The following PATJ variants were observed in gnomAD, a reference collection of about 807,000 sequenced individuals.
PATJ encodes PATJ crumbs cell polarity complex component, also known as inaD-like protein.
In PATJ, 190 loss-of-function variants were observed where a neutral mutation model predicts 224.9. That is an observed-to-expected ratio of 0.84 (90% confidence interval 0.75 to 0.95). PATJ has a LOEUF of 0.95. PATJ is among the 40% of genes least tolerant of loss of function. PATJ has a pLI of 0.00. For missense variants in PATJ, 2,121 were observed against 2,270.3 expected (o/e 0.93, Z 1.34); for synonymous variants, 769 against 820.3 (o/e 0.94, Z 1.07).
chr1:61,962,549 G>A (rs895820559), intron 27 of PATJ, among the ~76,000 whole-genome samples: 2 of 152,174 alleles, frequency 1.3e-5, no homozygotes, highest in Non-Finnish European at 2.9e-5. Context: ...GTGGTGTGAT[G>A]ATGGAGGGTT....
intron 14 of PATJ, among the ~76,000 whole-genome samples, chr1:61,811,775 AT>A (rs1654803657): frequency 1.3e-5 from 2 of 150,534 alleles, no homozygotes; most frequent in South Asian, 4.3e-4. Flanking sequence ...AAAAAAAAAA[AT>A]CTAGGCTGGA....
chr1:61,930,333 C>G (rs534275375), intron 27 of PATJ, among the ~76,000 whole-genome samples: 4 of 152,302 alleles, frequency 2.6e-5, no homozygotes, highest in African/African-American at 9.6e-5. Flanking sequence ...ATGGGTTTTT[C>G]TTTGTTCCTT....
intron 27 of PATJ, among the ~76,000 whole-genome samples, chr1:61,966,070 T>G (rs1050997473): frequency 1.3e-5 from 2 of 152,078 alleles, no homozygotes; most frequent in Non-Finnish European, 2.9e-5. Context: ...CCCGGCTAAT[T>G]TTTGTATTTT....
At chr1:62,140,442 C>T (rs1230236311) in intron 41 of PATJ, among the ~76,000 whole-genome samples, 5 of 152,098 alleles carry the variant, frequency 3.3e-5, no homozygotes, top group Non-Finnish European at 7.4e-5. Context: ...TACTTGAGGT[C>T]AGGAGTTTGA....
intron 28 of PATJ, among the ~76,000 whole-genome samples, chr1:61,990,808 T>G (rs912492145): frequency 1.3e-5 from 2 of 152,112 alleles, no homozygotes; most frequent in Non-Finnish European, 2.9e-5. Flanking sequence ...TCAAAAATAA[T>G]AGTTAATGTC....
rs759207432 is a variant in PATJ, at chr1:62,160,938, C to G, written c.5533C>G (p.Arg1845Gly). ...GAAADDGRLK[R>G]GDQILAVNGE... ...AGCTGCAGATGACGGCCGATTAAAACGAGGGGATCAGATTTTAGCTGTTAA... is the reference window on the plus strand; with the variant it reads ...AGCTGCAGATGACGGCCGATTAAAAGGAGGGGATCAGATTTTAGCTGTTAA... The change falls in exon 44 of 44, where the codon CGA (arginine) becomes GGA (glycine). Residue 1845 changes from arginine to glycine, a missense_variant. Coordinates refer to ENST00000642238, the MANE Select transcript of PATJ (RefSeq NM_001350145.3). 6.2e-7 allele frequency: 1 copy of G among 1,613,920 alleles called. No homozygotes were observed. Among genetic ancestry groups the G allele is most frequent in the Non-Finnish European group, 8.5e-7 (1 of 1,179,974 alleles).
At chr1:62,140,878 C>T (rs966868934) in intron 41 of PATJ, among the ~76,000 whole-genome samples, 3 of 151,780 alleles carry the variant, frequency 2.0e-5, no homozygotes, top group Non-Finnish European at 4.4e-5. Context: ...CACTGCACTC[C>T]ACCCTGGGTG....
intron 26 of PATJ, among the ~76,000 whole-genome samples, chr1:61,916,322 G>A (rs1219840540): frequency 6.6e-6 from 1 of 151,888 alleles, no homozygotes; most frequent in Non-Finnish European, 1.5e-5. Context: ...GTGTATATAT[G>A]ATATTTTTAA....
At chr1:61,842,919 A>G (rs1401281992) in intron 17 of PATJ, among the ~76,000 whole-genome samples, 3 of 152,202 alleles carry the variant, frequency 2.0e-5, no homozygotes, top group Non-Finnish European at 4.4e-5. Flanking sequence ...AGATAAAGTC[A>G]TAGCCCTTCC....
intron 33 of PATJ, among the ~76,000 whole-genome samples, chr1:62,088,783 C>T (rs187428601): frequency 6.7e-6 from 1 of 148,380 alleles, no homozygotes; most frequent in Non-Finnish European, 1.5e-5. Flanking sequence ...GATCAGATAT[C>T]TTATAAACAG....
chr1:61,762,920 C>G lies in PATJ; in HGVS notation c.22+6C>G. On this transcript the variant is annotated splice_donor_region_variant and intron_variant, in intron 2 of 43. Coordinates refer to ENST00000642238, the MANE Select transcript of PATJ (RefSeq NM_001350145.3). Reference sequence around the variant, plus strand: ...GCCTGAAAATCCTGCTACAGGTATACTGGATATATTGTTCTATAATTAAAT... The same window carrying G: ...GCCTGAAAATCCTGCTACAGGTATAGTGGATATATTGTTCTATAATTAAAT... 6.5e-7 allele frequency: 1 copy of G among 1,540,860 alleles called. No individual in the cohort carries two copies. Among genetic ancestry groups the G allele is most frequent in the Non-Finnish European group, 8.9e-7 (1 of 1,126,060 alleles).
intron 33 of PATJ, among the ~76,000 whole-genome samples, chr1:62,096,663 T>C (rs1225430770): frequency 6.6e-6 from 1 of 152,224 alleles, no homozygotes; most frequent in Non-Finnish European, 1.5e-5. Context: ...TCACCCAGGC[T>C]GGAGTGCAAT....
chr1:62,051,119 G>A (rs1653535406), intron 31 of PATJ, 61 bp downstream of exon 31: 1 of 1,251,456 alleles, frequency 8.0e-7, no homozygotes, highest in Non-Finnish European at 1.2e-6. Context: ...CTTATATTTT[G>A]TACCACCTTG....
Position 61,787,877 on chromosome 1 carries a change from GC to G in PATJ, c.974del (p.Ala325ValfsTer25). On this transcript the variant is annotated frameshift_variant, in exon 8 of 44. Transcript: ENST00000642238. LOFTEE classifies it high-confidence loss of function. ...NCGNSVRMLV[A>X]RDPAGDISVT... ...TGGGAATTCAGTCAGGATGCTCGTTGCTAGAGATCCAGCTGGTGACATTTCA... is the reference window on the plus strand; with the variant it reads ...TGGGAATTCAGTCAGGATGCTCGTTGTAGAGATCCAGCTGGTGACATTTCA... 1.9e-6 allele frequency: 3 copies of G among 1,614,158 alleles called. No individual in the cohort carries two copies. The highest frequency in any genetic ancestry group is 2.5e-6 in the Non-Finnish European group (3 of 1,180,012).
At chr1:61,811,896 C>T (rs1033616662) in intron 14 of PATJ, among the ~76,000 whole-genome samples, 1 of 151,204 alleles carries the variant, frequency 6.6e-6, no homozygotes, top group Non-Finnish European at 1.5e-5. Context: ...CCCATCTCTA[C>T]TAAAAATACA....
intron 31 of PATJ, among the ~76,000 whole-genome samples, chr1:62,059,565 C>T (rs1275285733): frequency 6.6e-6 from 1 of 151,450 alleles, no homozygotes; most frequent in Non-Finnish European, 1.5e-5. Context: ...TGCAATGAGC[C>T]GAGATTGCGC....
At chr1:62,065,858 C>T (rs1025747035) in intron 31 of PATJ, among the ~76,000 whole-genome samples, 8 of 152,220 alleles carry the variant, frequency 5.3e-5, no homozygotes, top group Non-Finnish European at 1.0e-4. Flanking sequence ...GGTCACATCC[C>T]CTCCTTTCAG....
intron 42 of PATJ, 24 bp downstream of exon 42, chr1:62,148,414 C>G: frequency 6.6e-7 from 1 of 1,507,472 alleles, no homozygotes; most frequent in Non-Finnish European, 9.2e-7. Context: ...ATGCAGAGGG[C>G]CTATTATGCA....
chr1:61,949,265 A>G (rs1163670698), intron 27 of PATJ, among the ~76,000 whole-genome samples: 1 of 152,084 alleles, frequency 6.6e-6, no homozygotes, highest in Non-Finnish European at 1.5e-5. Flanking sequence ...TACATACTGT[A>G]TGGTTCCATT....
Sources: allele counts gnomAD v4.1 joint callset (sites outside exome capture counted in the v4.1 genomes callset), GRCh38; gene constraint gnomAD v4.1.1; transcripts MANE v1.5; gene names NCBI Gene and HGNC (gene_info 2026-07-23, HGNC 2026-07-21).